The following INPP5B variants were observed in gnomAD, a reference collection of about 807,000 sequenced individuals.
INPP5B encodes the protein inositol polyphosphate-5-phosphatase B.
A neutral mutation model predicts 118.5 loss-of-function variants in INPP5B; 90 were observed. The observed-to-expected ratio is 0.76, with a 90% confidence interval of 0.64 to 0.90. The LOEUF (loss-of-function observed/expected upper bound fraction) is 0.90, where lower values mean the gene tolerates loss of function less well. Ranked by LOEUF, INPP5B falls within the 40% of genes least tolerant of loss-of-function variation. The pLI, the probability that INPP5B is intolerant of heterozygous loss-of-function variation, is 0.00. For synonymous variants in INPP5B, 385 were observed against 418.9 expected, an observed-to-expected ratio of 0.92 and a Z score of 0.99; for missense variants, 984 against 1,125.6, an observed-to-expected ratio of 0.87 and a Z score of 1.80.
intron 6 of INPP5B, 66 bp from the exon 7 acceptor site, chr1:37,932,119 T>C: frequency 2.7e-6 from 4 of 1,460,948 alleles, no homozygotes; most frequent in Non-Finnish European, 3.6e-6. Context: ...CATGATTGTA[T>C]TATCCCAAGA....
rs1642639153 is a variant in INPP5B at position 37,874,099 on chromosome 1, A to T, written c.1845T>A (p.His615Gln). Residue 615 changes from histidine (H) to glutamine (Q), a missense_variant, in exon 18 of 24, where the codon CAT becomes CAA. By Grantham distance (24) the His-to-Gln change is conservative. This residue lies in a region of INPP5B where 634 missense variants were observed against 791.0 expected (regional missense o/e 0.80). Transcript: ENST00000373024. ...CAAAATGACAGGGTACTTGTCCATTATGAATTGTAAAGGATTCTACTTTCA... is the reference window on the plus strand; with the variant it reads ...CAAAATGACAGGGTACTTGTCCATTTTGAATTGTAAAGGATTCTACTTTCA... The part of the protein sequence containing the change: ...MQLKVESFTI[H>Q]NGQVPCHFEF... 1 of 1,603,904 alleles carries T rather than the reference A, an allele frequency of 6.2e-7. No homozygotes were observed. The highest frequency in any genetic ancestry group is 8.5e-7 in the Non-Finnish European group (1 of 1,172,308).
intron 20 of INPP5B, 53 bp from the exon 21 acceptor site, chr1:37,866,596 T>A: frequency 9.0e-7 from 1 of 1,112,704 alleles, no homozygotes; most frequent in Non-Finnish European, 1.4e-6. Flanking sequence ...AAATCATCAA[T>A]GATTTCCTGA....
intron 6 of INPP5B, among the ~76,000 whole-genome samples, chr1:37,933,899 TTTTATTTATTTATTTATTTA>T (rs140877171): frequency 2.6e-3 from 347 of 134,944 alleles, no homozygotes; most frequent in Admixed American, 3.6e-3. Flanking sequence ...TCAATTTTTA[TTTTATTTATTTATTTATTTA>T]TTTATTTATT....
chr1:37,891,101 C>T (rs186212916), intron 8 of INPP5B, among the ~76,000 whole-genome samples: 82 of 151,942 alleles, frequency 5.4e-4, no homozygotes, highest in African/African-American at 1.9e-3. Flanking sequence ...TGGCACATTC[C>T]TGTAATCCCA....
At position 37,861,111 on chromosome 1, in the gene INPP5B, G is replaced by C. The variant is rs1641670086; in HGVS notation, c.*1204C>G. The C allele has an allele frequency of 6.6e-6, 1 of 152,240 alleles. No individual in the cohort carries two copies. The highest frequency in any genetic ancestry group is 1.5e-5 in the Non-Finnish European group (1 of 68,058). The allele number at this position is 152,240 out of a possible 1,614,324, so 9.4% of individuals were successfully genotyped here. A position where few individuals can be genotyped will look rare whatever the true frequency, so the allele number is the denominator to read the frequency against. ...CCCAAAGTGCCGAGATTACAGGCGT[G>C]AGCCACTGTGCCTGGTCATTTTAAT... On this transcript the variant is annotated 3_prime_UTR_variant, in exon 24 of 24. Transcript: ENST00000373024.
At chr1:37,935,900 A>G (rs1645668962) in intron 6 of INPP5B, among the ~76,000 whole-genome samples, 1 of 151,798 alleles carries the variant, frequency 6.6e-6, no homozygotes, top group Non-Finnish European at 1.5e-5. Flanking sequence ...CCCAGTCTCT[A>G]TTAAAAATAC....
intron 13 of INPP5B, chr1:37,883,885 C>T (rs1000021776): frequency 1.5e-5 from 15 of 973,874 alleles, no homozygotes; most frequent in African/African-American, 1.1e-4. Flanking sequence ...AAAGAAGTGG[C>T]GTATGTTATC....
rs1249454558 is a variant in INPP5B at position 37,932,001 on chromosome 1, C to T, written c.444G>A (p.Arg148=). The stretch of plus-strand genomic sequence containing the variant: ...GCATCTCCAGCTCCAGCTCTGCGCA[C>T]CTATACCGAGACAGCCACAGGAATT... ...DPEFLWLSRY[R]CAELELEMPT... is the part of the protein sequence containing the mutation. Residue 148 remains arginine, a synonymous_variant, in exon 7 of 24, where the codon AGG becomes AGA. Transcript: ENST00000373024. 1.9e-6 allele frequency: 3 copies of T among 1,610,560 alleles called. No homozygotes were observed. Among genetic ancestry groups the T allele is most frequent in the Non-Finnish European group, 2.5e-6 (3 of 1,177,954 alleles).
chr1:37,943,551 G>A (rs1646011037), intron 5 of INPP5B, 89 bp downstream of exon 5: 1 of 1,400,084 alleles, frequency 7.1e-7, no homozygotes, highest in African/African-American at 1.4e-5. Flanking sequence ...AAGTTTAGCA[G>A]GGGGTGCTCT....
At position 37,889,431 on chromosome 1, in the gene INPP5B, G is replaced by T. The variant is rs2291161; in HGVS notation, c.797+126C>A. On this transcript the variant is annotated intron_variant, in intron 9 of 23. Transcript: ENST00000373024. Reference sequence around the variant, plus strand: ...AAGAATGCATGGAATCACTCATTTTGAAAATGAGGGGAGAGATTCTATAGA... The same window carrying T: ...AAGAATGCATGGAATCACTCATTTTTAAAATGAGGGGAGAGATTCTATAGA... The T allele has an allele frequency of 0.27, 194,556 of 719,512 alleles. 27,122 individuals carry two copies. Among genetic ancestry groups the T allele is most frequent in the Non-Finnish European group, 0.29 (128,800 of 444,612 alleles). The allele number at this position is 719,512 out of a possible 1,614,324, so 44.6% of individuals were successfully genotyped here.
At chr1:37,894,258 T>TAG (rs1643934177) in intron 7 of INPP5B, among the ~76,000 whole-genome samples, 1 of 152,206 alleles carries the variant, frequency 6.6e-6, no homozygotes, top group Non-Finnish European at 1.5e-5. Flanking sequence ...GGCCATATCT[T>TAG]AGAGGTCATT....
chr1:37,930,980 A>C (rs544602698), intron 7 of INPP5B: 1 of 153,556 alleles, frequency 6.5e-6, no homozygotes, highest in South Asian at 2.0e-4. Context: ...GGAGCTGGAC[A>C]AAAAAAGACA....
intron 7 of INPP5B, among the ~76,000 whole-genome samples, chr1:37,898,030 C>A (rs1644187566): frequency 6.6e-6 from 1 of 152,000 alleles, no homozygotes; most frequent in South Asian, 2.1e-4. Context: ...CTGGAAGCAA[C>A]CAAGATATAT....
chr1:37,897,171 T>C (rs866990468), intron 7 of INPP5B, among the ~76,000 whole-genome samples: 87 of 150,888 alleles, frequency 5.8e-4, no homozygotes, highest in Non-Finnish European at 9.3e-4. Context: ...CGCCTCTGCC[T>C]GGCCGCGCCT....
intron 1 of INPP5B, among the ~76,000 whole-genome samples, chr1:37,946,627 G>C (rs1366451422): frequency 6.6e-6 from 1 of 152,136 alleles, no homozygotes; most frequent in Non-Finnish European, 1.5e-5. Flanking sequence ...TTGGAAGTGG[G>C]GTACGTGGAT....
chr1:37,917,020 G>T (rs1644887668), intron 7 of INPP5B, among the ~76,000 whole-genome samples: 1 of 151,224 alleles, frequency 6.6e-6, no homozygotes, highest in Non-Finnish European at 1.5e-5. Context: ...ACCGGGCCCA[G>T]TGGCTCATGC....
At chr1:37,933,763 GATAAA>G (rs1316896990) in intron 6 of INPP5B, among the ~76,000 whole-genome samples, 2 of 147,666 alleles carry the variant, frequency 1.4e-5, no homozygotes, top group South Asian at 4.2e-4. Context: ...ATAAATAATA[GATAAA>G]ATAAAATGTA....
rs1293537279 is a variant in INPP5B at position 37,885,618 on chromosome 1, G to T, written c.1319+20C>A. 1 of 1,610,510 alleles carries T rather than the reference G, an allele frequency of 6.2e-7. No homozygotes were observed. Among genetic ancestry groups the T allele is most frequent in the Non-Finnish European group, 8.5e-7 (1 of 1,178,078 alleles). On this transcript the variant is annotated intron_variant, in intron 13 of 23. Coordinates refer to ENST00000373024, the MANE Select transcript of INPP5B (RefSeq NM_005540.3). ...CTATGTACTCATGGTGAACCGCATG[G>T]GGTGGAAGCCCAGACTCACTCATGG...
At chr1:37,938,038 C>T (rs1355582929) in intron 6 of INPP5B, among the ~76,000 whole-genome samples, 3 of 149,696 alleles carry the variant, frequency 2.0e-5, no homozygotes, top group Non-Finnish European at 4.4e-5. Context: ...ATTGGGAGGC[C>T]GAGGTGGGTG....
Sources: allele counts gnomAD v4.1 joint callset (sites outside exome capture counted in the v4.1 genomes callset), GRCh38; gene constraint gnomAD v4.1.1; regional missense constraint gnomAD v4.1.1; transcripts MANE v1.5; gene names NCBI Gene and HGNC (gene_info 2026-07-23, HGNC 2026-07-21).